Variants in ATF2 observed in about 807,000 individuals in gnomAD.
ATF2 encodes activating transcription factor 2, also known as cyclic AMP-dependent transcription factor ATF-2.
Under a neutral mutation model 60.6 loss-of-function variants are expected in ATF2, and 24 were observed. The ratio of observed to expected loss-of-function variants is 0.40; its 90% CI spans 0.29 to 0.56. The LOEUF is 0.56. ATF2 is among the 20% of genes least tolerant of loss of function. ATF2 has a pLI of 0.54. For missense variants in ATF2, 433 were observed against 607.7 expected (o/e 0.71, Z 3.02); for synonymous variants, 206 against 215.4 (o/e 0.96, Z 0.38).
Position 175,114,041 on chromosome 2 carries a change from G to C in ATF2, c.694C>G (p.Pro232Ala), listed in dbSNP as rs1366462837. Reference protein sequence around the residue: ...PNGQTMPVAIPASITSSNVHV... With the variant: ...PNGQTMPVAIAASITSSNVHV... ...ACATTAGAACTTGTAATTGATGCAG[G>C]AATAGCAACAGGCATGGTTTGTCCA... Residue 232 changes from proline (P) to alanine (A), a missense_variant, in exon 9 of 14, where the codon CCT becomes GCT. Pro to Ala is a conservative substitution (Grantham distance 27, BLOSUM62 -1). Transcript: ENST00000264110. The C allele has an allele frequency of 6.2e-7, 1 of 1,612,838 alleles. No homozygotes were observed. Among genetic ancestry groups the C allele is most frequent in the Non-Finnish European group, 8.5e-7 (1 of 1,179,654 alleles).
chr2:175,156,088 T>C (rs1401861755), intron 1 of ATF2, among the ~76,000 whole-genome samples: 1 of 151,950 alleles, frequency 6.6e-6, no homozygotes, highest in Non-Finnish European at 1.5e-5. Context: ...ACACAGATCT[T>C]TGCTAGCCAT....
At chr2:175,141,049 ATATG>A (rs1431546703) in intron 2 of ATF2, among the ~76,000 whole-genome samples, 2 of 126,818 alleles carry the variant, frequency 1.6e-5, no homozygotes, top group Non-Finnish European at 1.6e-5. Context: ...ATATATATAT[ATATG>A]TATATATATA....
chr2:175,153,615 G>C (rs926794651), intron 1 of ATF2, among the ~76,000 whole-genome samples: 19 of 152,030 alleles, frequency 1.2e-4, no homozygotes, highest in Admixed American at 5.2e-4. Context: ...GGATCACAAG[G>C]TCAGGAGTTC....
chr2:175,083,964 A>AT (rs1693954276), intron 12 of ATF2, among the ~76,000 whole-genome samples: 1 of 152,164 alleles, frequency 6.6e-6, no homozygotes, highest in South Asian at 2.1e-4. Flanking sequence ...CACCAATTAG[A>AT]ATGGCAATCA....
intron 2 of ATF2, among the ~76,000 whole-genome samples, chr2:175,144,639 T>C (rs1407400666): frequency 2.0e-5 from 3 of 152,054 alleles, no homozygotes; most frequent in Non-Finnish European, 2.9e-5. Flanking sequence ...AGTGTCTGAG[T>C]CTAAGCAGAG....
intron 8 of ATF2, 76 bp from the exon 9 acceptor site, chr2:175,114,184 T>G: frequency 6.7e-7 from 1 of 1,493,550 alleles, no homozygotes; most frequent in African/African-American, 1.4e-5. Context: ...AATAGTATTT[T>G]TACTCCTATA....
At chr2:175,136,371 A>C in intron 3 of ATF2, 41 bp downstream of exon 3, 1 of 1,588,106 alleles carries the variant, frequency 6.3e-7, no homozygotes, top group Non-Finnish European at 8.6e-7. Flanking sequence ...ACAACCCAAA[A>C]TGTAAAAAAT....
chr2:175,149,192 T>C (rs1281656523), intron 2 of ATF2, among the ~76,000 whole-genome samples: 1 of 152,192 alleles, frequency 6.6e-6, no homozygotes, highest in Non-Finnish European at 1.5e-5. Context: ...TCCACCATCC[T>C]TCCTTCCCTT....
chr2:175,105,063 TAAGA>T (rs756214674), intron 10 of ATF2, among the ~76,000 whole-genome samples: 85 of 152,264 alleles, frequency 5.6e-4, no homozygotes, highest in Non-Finnish European at 1.0e-3. Context: ...TTTAAGTACT[TAAGA>T]AAGACAATTG....
intron 12 of ATF2, 78 bp from the exon 13 acceptor site, chr2:175,080,843 T>C (rs1488016265): frequency 8.5e-7 from 1 of 1,182,796 alleles, no homozygotes; most frequent in Non-Finnish European, 1.2e-6. Flanking sequence ...AGGATTAAAG[T>C]ATAAAATTGG....
At chr2:175,097,663 A>G in intron 10 of ATF2, 70 bp from the exon 11 acceptor site, 2 of 1,536,176 alleles carry the variant, frequency 1.3e-6, no homozygotes, top group South Asian at 1.2e-5. Flanking sequence ...AACAAGACAA[A>G]CAATAGCACC....
At chr2:175,095,890 T>C (rs1330178740) in intron 11 of ATF2, among the ~76,000 whole-genome samples, 1 of 152,202 alleles carries the variant, frequency 6.6e-6, no homozygotes, top group Non-Finnish European at 1.5e-5. Flanking sequence ...AAAACACCCA[T>C]GGGTTGCATA....
At position 175,114,001 on chromosome 2, in the gene ATF2, G is replaced by A. The variant is rs745760497; in HGVS notation, c.734C>T (p.Ala245Val). ...ITSSNVHVPA[A>V]VPLVRPVTMV... ...ATAGTCTAACTTTCTTACTGGGACT[G>A]CAGCTGGAACATGCACATTAGAACT... The change falls in exon 9 of 14, where the codon GCA (alanine) becomes GTA (valine). Residue 245 changes from alanine to valine, a missense_variant. Ala to Val is a moderately conservative substitution (Grantham distance 64, BLOSUM62 0). Around this residue, in one of 5 missense-constraint regions of ATF2, gnomAD observed 246 missense variants for 309.3 expected, o/e 0.80. Coordinates refer to ENST00000264110, the MANE Select transcript of ATF2 (RefSeq NM_001880.4). 3 of 1,606,682 alleles carry A rather than the reference G, an allele frequency of 1.9e-6. No homozygotes were observed. Among genetic ancestry groups the A allele is most frequent in the Non-Finnish European group, 2.6e-6 (3 of 1,175,512 alleles).
At chr2:175,082,189 C>T (rs1292087662) in intron 12 of ATF2, among the ~76,000 whole-genome samples, 1 of 152,048 alleles carries the variant, frequency 6.6e-6, no homozygotes, top group Non-Finnish European at 1.5e-5. Context: ...TCCTCACACC[C>T]CAATAACAAT....
At chr2:175,116,428 G>A (rs1696575314) in intron 7 of ATF2, among the ~76,000 whole-genome samples, 1 of 151,980 alleles carries the variant, frequency 6.6e-6, no homozygotes, top group Non-Finnish European at 1.5e-5. Context: ...GAAAACTGGG[G>A]GAAGAATCAA....
At chr2:175,138,331 A>G (rs1698273798) in intron 2 of ATF2, among the ~76,000 whole-genome samples, 1 of 152,194 alleles carries the variant, frequency 6.6e-6, no homozygotes, top group Admixed American at 6.5e-5. Flanking sequence ...ACCTGCCTTC[A>G]TGGAGTTTCC....
At chr2:175,143,229 G>A (rs1226690210) in intron 2 of ATF2, among the ~76,000 whole-genome samples, 3 of 152,026 alleles carry the variant, frequency 2.0e-5, no homozygotes, top group Non-Finnish European at 4.4e-5. Context: ...GTCTAGTCTT[G>A]TCAATGTATG....
At chr2:175,084,839 T>C (rs1371119650) in intron 12 of ATF2, among the ~76,000 whole-genome samples, 1 of 152,118 alleles carries the variant, frequency 6.6e-6, no homozygotes, top group Non-Finnish European at 1.5e-5. Context: ...AGGCAGAACA[T>C]ATCTTTTCCT....
chr2:175,142,217 G>C (rs1698596249), intron 2 of ATF2, among the ~76,000 whole-genome samples: 1 of 138,502 alleles, frequency 7.2e-6, no homozygotes, highest in African/African-American at 2.8e-5. Context: ...ACAGACTCTC[G>C]CTCTTGTCGC....
Sources: allele counts gnomAD v4.1 joint callset (sites outside exome capture counted in the v4.1 genomes callset), GRCh38; gene constraint gnomAD v4.1.1; regional missense constraint gnomAD v4.1.1; transcripts MANE v1.5; gene names NCBI Gene and HGNC (gene_info 2026-07-23, HGNC 2026-07-21).